The following SCAPER variants were observed in gnomAD, a reference collection of about 807,000 sequenced individuals.
The protein encoded by SCAPER is S-phase cyclin A associated protein in the ER, also known as S phase cyclin A-associated protein in the endoplasmic reticulum.
SCAPER carries 98 observed loss-of-function variants against 182.2 expected under a neutral mutation model. The observed-to-expected ratio is 0.54, with a 90% CI of 0.46 to 0.64. SCAPER has a LOEUF of 0.64. Among genes scored for constraint, SCAPER ranks in the 30% least tolerant of loss-of-function variants. The pLI is 0.00. For missense variants in SCAPER, 1,432 were observed against 1,690.0 expected (o/e 0.85, Z 2.68); for synonymous variants, 605 against 564.6 (o/e 1.07, Z -1.01).
At chr15:76,532,952 G>A (rs1047247262) in intron 23 of SCAPER, among the ~76,000 whole-genome samples, 1 of 152,188 alleles carries the variant, frequency 6.6e-6, no homozygotes, top group Non-Finnish European at 1.5e-5. Flanking sequence ...ACTATATGCA[G>A]AACACTGCTT....
At chr15:76,628,913 G>GT (rs2052831405) in intron 21 of SCAPER, among the ~76,000 whole-genome samples, 1 of 152,176 alleles carries the variant, frequency 6.6e-6, no homozygotes, top group South Asian at 2.1e-4. Context: ...AGCATTCAAT[G>GT]TTTTTCCATT....
At chr15:76,541,918 T>A (rs2044782935) in intron 23 of SCAPER, among the ~76,000 whole-genome samples, 1 of 152,222 alleles carries the variant, frequency 6.6e-6, no homozygotes, top group Admixed American at 6.5e-5. Context: ...CAAAATAAAT[T>A]GATTTGAAAA....
chr15:76,492,668 A>G (rs2052436562), intron 24 of SCAPER, among the ~76,000 whole-genome samples: 1 of 152,196 alleles, frequency 6.6e-6, no homozygotes, highest in Non-Finnish European at 1.5e-5. Context: ...AATTAGATGA[A>G]TAAGTCTTGG....
intron 22 of SCAPER, among the ~76,000 whole-genome samples, chr15:76,584,987 T>C (rs773610982): frequency 1.3e-5 from 2 of 152,224 alleles, no homozygotes; most frequent in Non-Finnish European, 2.9e-5. Context: ...ACTGGTGAAC[T>C]TCAGTTTAAG....
At chr15:76,745,127 G>A (rs2061726835) in intron 15 of SCAPER, among the ~76,000 whole-genome samples, 1 of 152,062 alleles carries the variant, frequency 6.6e-6, no homozygotes, top group African/African-American at 2.4e-5. Flanking sequence ...AGATACTGCA[G>A]ACTACTCGAA....
intron 27 of SCAPER, among the ~76,000 whole-genome samples, chr15:76,400,393 A>C (rs2044376429): frequency 6.6e-6 from 1 of 152,240 alleles, no homozygotes; most frequent in Admixed American, 6.5e-5. Flanking sequence ...CATGGCTATG[A>C]CCTATAGCAG....
intron 5 of SCAPER, among the ~76,000 whole-genome samples, chr15:76,834,592 T>A (rs2068772654): frequency 6.6e-6 from 1 of 151,376 alleles, no homozygotes; most frequent in South Asian, 2.1e-4. Context: ...GACATGAAAA[T>A]CCATTCAAAA....
chr15:76,726,156 A>ATATATATTTAT (rs56986282), intron 17 of SCAPER, among the ~76,000 whole-genome samples: 1 of 79,724 alleles, frequency 1.3e-5, no homozygotes, highest in African/African-American at 5.2e-5. Flanking sequence ...TATATATATA[A>ATATATATTTAT]AAAACTCTAT....
intron 2 of SCAPER, among the ~76,000 whole-genome samples, chr15:76,876,201 C>T (rs2073146830): frequency 6.6e-6 from 1 of 152,188 alleles, no homozygotes; most frequent in African/African-American, 2.4e-5. Flanking sequence ...TCTCCCTCCA[C>T]ACCTCCCGGC....
chr15:76,350,623 A>T (rs2040480515), intron 31 of SCAPER: 1 of 152,186 alleles, frequency 6.6e-6, no homozygotes, highest in South Asian at 2.1e-4. Context: ...CAGAATATTT[A>T]AAAAAGTAAA....
chr15:76,836,978 C>T (rs1372449184), intron 5 of SCAPER, among the ~76,000 whole-genome samples: 1 of 152,082 alleles, frequency 6.6e-6, no homozygotes, highest in East Asian at 1.9e-4. Context: ...GTCTTGGCAA[C>T]AATTTCATAA....
Position 76,594,703 on chromosome 15 carries a change from C to T in SCAPER, c.2712-20419G>A, listed in dbSNP as rs554837303. On this transcript the variant is annotated intron_variant, in intron 22 of 31. Transcript: ENST00000563290. ...TTATTAAAGAAAAGAATTTTCAACC[C>T]AGAATTTCAAATCCAGCCAAATTAA... Among the ~76,000 whole-genome samples, 10 of 121,416 alleles carry T rather than the reference C, an allele frequency of 8.2e-5. 4 individuals are homozygous for T. The Admixed American group carries it at 9.4e-4, about 11-fold the overall frequency. 79.7% of individuals were successfully genotyped at this position (121,416 alleles called of 152,430 possible).
chr15:76,724,215 G>T (rs1262019766), intron 17 of SCAPER, among the ~76,000 whole-genome samples: 1 of 149,910 alleles, frequency 6.7e-6, no homozygotes, highest in Non-Finnish European at 1.5e-5. Flanking sequence ...GAAATACTGG[G>T]TTGAAAATTC....
intron 22 of SCAPER, among the ~76,000 whole-genome samples, chr15:76,613,889 C>T (rs933943976): frequency 6.6e-6 from 1 of 152,142 alleles, no homozygotes. Flanking sequence ...TACCATTCAA[C>T]CCAGCAATCC....
At chr15:76,492,427 A>C (rs1437064990) in intron 24 of SCAPER, among the ~76,000 whole-genome samples, 1 of 152,170 alleles carries the variant, frequency 6.6e-6, no homozygotes, top group African/African-American at 2.4e-5. Flanking sequence ...CAAGCCTGAA[A>C]ATTTTTCCAA....
chr15:76,652,379 T>C (rs1322360451), intron 21 of SCAPER, among the ~76,000 whole-genome samples: 10 of 51,174 alleles, frequency 2.0e-4, no homozygotes, highest in Non-Finnish European at 3.1e-4. Flanking sequence ...CACATATATA[T>C]ATATATATAT....
intron 27 of SCAPER, among the ~76,000 whole-genome samples, chr15:76,403,852 C>T (rs953658723): frequency 1.3e-5 from 2 of 152,036 alleles, no homozygotes; most frequent in African/African-American, 2.4e-5. Flanking sequence ...CAAGAAGACC[C>T]AGAGGGTTAC....
intron 22 of SCAPER, 68 bp downstream of exon 22, chr15:76,621,696 T>C (rs1413787702): frequency 6.5e-6 from 8 of 1,223,726 alleles, no homozygotes; most frequent in South Asian, 1.3e-5. Flanking sequence ...CATAACATGA[T>C]GGTTGAGATA....
At chr15:76,721,284 T>C (rs1017003895) in intron 17 of SCAPER, among the ~76,000 whole-genome samples, 1 of 152,208 alleles carries the variant, frequency 6.6e-6, no homozygotes, top group Admixed American at 6.5e-5. Flanking sequence ...CATTGGTCTA[T>C]AACTCTGTTT....
Sources: gnomAD v4.1 joint callset for allele counts (sites outside exome capture counted in the v4.1 genomes callset) on GRCh38, gnomAD v4.1.1 for gene constraint, MANE v1.5 for transcripts, NCBI Gene and HGNC (gene_info 2026-07-23, HGNC 2026-07-21) for gene names.